The following RAD51C variants were observed in gnomAD, a reference collection of about 807,000 sequenced individuals.
RAD51C encodes the protein RAD51 paralog C.
RAD51C carries 42 observed loss-of-function variants against 45.0 expected under a neutral mutation model. The ratio of observed to expected loss-of-function variants is 0.93; its 90% CI spans 0.73 to 1.21. The LOEUF is 1.21. Among genes scored for constraint, RAD51C ranks in the 50% most tolerant of loss-of-function variants. RAD51C has a pLI of 0.00. For missense variants in RAD51C, 474 were observed against 452.2 expected (o/e 1.05, Z -0.44); for synonymous variants, 172 against 159.8 (o/e 1.08, Z -0.58).
intron 2 of RAD51C, 74 bp downstream of exon 2, chr17:58,695,263 A>G: frequency 6.6e-7 from 1 of 1,518,322 alleles, no homozygotes; most frequent in Non-Finnish European, 8.8e-7. Context: ...TACTATCGTC[A>G]GGAAACCAAA....
intron 7 of RAD51C, among the ~76,000 whole-genome samples, chr17:58,731,984 G>A (rs1027396496): frequency 6.6e-6 from 1 of 151,972 alleles, no homozygotes. Flanking sequence ...TAATTCTTCA[G>A]CAATAATTAA....
chr17:58,710,742 T>C (rs911529152), intron 5 of RAD51C, among the ~76,000 whole-genome samples: 3 of 152,150 alleles, frequency 2.0e-5, no homozygotes, highest in African/African-American at 7.2e-5. Context: ...TCTTGAAGAT[T>C]TGAAATGTGA....
At chr17:58,726,949 T>C (rs2049179365) in intron 7 of RAD51C, among the ~76,000 whole-genome samples, 1 of 151,936 alleles carries the variant, frequency 6.6e-6, no homozygotes, top group Non-Finnish European at 1.5e-5. Flanking sequence ...GCCTCCCGAG[T>C]AGCTGGTACT....
At chr17:58,725,415 G>A (rs748066723) in intron 7 of RAD51C, among the ~76,000 whole-genome samples, 1 of 151,968 alleles carries the variant, frequency 6.6e-6, no homozygotes, top group Non-Finnish European at 1.5e-5. Flanking sequence ...AGCACATTCC[G>A]TCATTTATTT....
At position 58,735,372 on chromosome 17, in the gene RAD51C, T is replaced by C. The variant is rs2049592263; in HGVS notation, c.*1150T>C. 1.3e-5 allele frequency: 2 copies of C among 152,194 alleles called. No homozygotes were observed. The highest frequency in any genetic ancestry group is 4.1e-4 in the South Asian group (2 of 4,820). 9.4% of individuals were successfully genotyped at this position (152,194 alleles called of 1,614,324 possible). A position where few individuals can be genotyped will look rare whatever the true frequency, so the allele number is the denominator to read the frequency against. ...TACCATGCCCTGCTAATTTTTGGAT[T>C]TTTTTGTAGAGACAAGGTCTCACTA... On this transcript the variant is annotated 3_prime_UTR_variant, in exon 9 of 9. Coordinates refer to ENST00000337432, the MANE Select transcript of RAD51C (RefSeq NM_058216.3).
intron 7 of RAD51C, among the ~76,000 whole-genome samples, chr17:58,728,868 T>C (rs576900325): frequency 2.0e-4 from 31 of 152,330 alleles, no homozygotes; most frequent in African/African-American, 7.5e-4. Context: ...TATGTCCTTA[T>C]ATTATGTGAG....
chr17:58,728,060 T>A (rs1198037934), intron 7 of RAD51C, among the ~76,000 whole-genome samples: 3 of 151,626 alleles, frequency 2.0e-5, no homozygotes, highest in African/African-American at 7.3e-5. Flanking sequence ...CTGGCCAATA[T>A]GGGGAAACTG....
intron 3 of RAD51C, 144 bp downstream of exon 3, chr17:58,697,003 G>T: frequency 9.8e-7 from 1 of 1,021,170 alleles, no homozygotes; most frequent in Non-Finnish European, 1.4e-6. Context: ...TTTTACTACT[G>T]TTACAAAATG....
At chr17:58,692,913 T>C in intron 1 of RAD51C, 125 bp downstream of exon 1, 3 of 1,432,384 alleles carry the variant, frequency 2.1e-6, no homozygotes, top group Non-Finnish European at 2.9e-6. Flanking sequence ...CGTCCATGTT[T>C]ACAGCGTGAA....
intron 7 of RAD51C, among the ~76,000 whole-genome samples, chr17:58,725,853 G>A (rs1052932633): frequency 2.0e-5 from 3 of 151,946 alleles, no homozygotes; most frequent in Non-Finnish European, 4.4e-5. Flanking sequence ...TTAGCTGGGC[G>A]TGATGGCACA....
intron 5 of RAD51C, among the ~76,000 whole-genome samples, chr17:58,717,714 C>T (rs952228350): frequency 6.6e-5 from 10 of 151,954 alleles, no homozygotes; most frequent in African/African-American, 2.4e-4. Context: ...CCAGCCTGAG[C>T]AACAGAGTGA....
At chr17:58,696,957 A>T in intron 3 of RAD51C, 98 bp downstream of exon 3, 1 of 1,361,744 alleles carries the variant, frequency 7.3e-7, no homozygotes, top group Non-Finnish European at 1.0e-6. Context: ...TGGAATGTGA[A>T]GCCTAATTAC....
At chr17:58,717,448 A>C (rs1412689085) in intron 5 of RAD51C, among the ~76,000 whole-genome samples, 1 of 151,302 alleles carries the variant, frequency 6.6e-6, no homozygotes, top group Non-Finnish European at 1.5e-5. Flanking sequence ...ATTCTTAAGA[A>C]AAGCTGCCGG....
Position 58,692,650 on chromosome 17 carries a change from G to A in RAD51C, c.7G>A (p.Gly3Arg), listed in dbSNP as rs376403182. Residue 3 changes from glycine (G) to arginine (R), a missense_variant, in exon 1 of 9, where the codon GGG becomes AGG. Transcript: ENST00000337432. ...GTTAGCAGGTGAGCCTGCGATGCGC[G>A]GGAAGACGTTCCGCTTTGAAATGCA... MRGKTFRFEMQRD... is the reference protein window; with the variant it reads MRRKTFRFEMQRD... The A allele has an allele frequency of 3.3e-5, 54 of 1,614,020 alleles. No homozygotes were observed. Among genetic ancestry groups the A allele is most frequent in the Non-Finnish European group, 4.1e-5 (48 of 1,180,042 alleles).
chr17:58,732,242 A>G (rs1287833344), intron 7 of RAD51C: 2 of 402,950 alleles, frequency 5.0e-6, no homozygotes, highest in African/African-American at 2.0e-5. Flanking sequence ...ATGTAAAATA[A>G]TTTATTTGAA....
chr17:58,692,705 C>T lies in RAD51C; in HGVS notation c.62C>T (p.Pro21Leu), dbSNP rs587782511. The change falls in exon 1 of 9, where the codon CCA (proline) becomes CTA (leucine). Residue 21 changes from proline to leucine, a missense_variant. Transcript: ENST00000337432. ...GATTTGGTGAGTTTCCCGCTGTCTC[C>T]AGCGGTGCGGGTGAAGCTGGTGTCT... ...QRDLVSFPLSPAVRVKLVSAG... is the reference protein window; with the variant it reads ...QRDLVSFPLSLAVRVKLVSAG... The T allele has an allele frequency of 2.5e-6, 4 of 1,614,128 alleles. No individual in the cohort carries two copies. The highest frequency in any genetic ancestry group is 1.7e-5 in the Admixed American group (1 of 60,008).
intron 3 of RAD51C, among the ~76,000 whole-genome samples, chr17:58,702,521 C>T (rs546625107): frequency 2.0e-5 from 3 of 151,716 alleles, no homozygotes; most frequent in Admixed American, 1.3e-4. Context: ...GGTGAAACCC[C>T]GTCTCTACTA....
intron 3 of RAD51C, among the ~76,000 whole-genome samples, chr17:58,701,191 A>G (rs1357482365): frequency 1.3e-5 from 2 of 151,626 alleles, no homozygotes; most frequent in Non-Finnish European, 2.9e-5. Context: ...GTGAGCCACC[A>G]CGCCTGGCTA....
intron 3 of RAD51C, among the ~76,000 whole-genome samples, chr17:58,702,458 T>G (rs926340023): frequency 1.3e-5 from 2 of 151,854 alleles, no homozygotes; most frequent in African/African-American, 4.8e-5. Flanking sequence ...TTTGGGAAGC[T>G]GAGGTGAGCA....
Sources: gnomAD v4.1 joint callset for allele counts (sites outside exome capture counted in the v4.1 genomes callset) on GRCh38, gnomAD v4.1.1 for gene constraint, MANE v1.5 for transcripts, NCBI Gene and HGNC (gene_info 2026-07-23, HGNC 2026-07-21) for gene names.